DENND1A: variants seen among roughly 807,000 people sequenced by gnomAD.
DENND1A encodes the protein DENN domain containing 1A.
Under a neutral mutation model 113.7 loss-of-function variants are expected in DENND1A, and 51 were observed. That is an observed-to-expected ratio of 0.45 (90% CI 0.36 to 0.57). DENND1A has a LOEUF of 0.57. Among genes scored for constraint, DENND1A ranks in the 20% least tolerant of loss-of-function variants. The probability of loss-of-function intolerance (pLI) is 0.00; values close to 1 mark genes in which losing one functional copy is unlikely to be tolerated. For missense variants in DENND1A, 1,258 were observed against 1,395.9 expected (o/e 0.90, Z 1.57); for synonymous variants, 565 against 570.8 (o/e 0.99, Z 0.14).
At chr9:123,482,344 T>A (rs1007691271) in intron 13 of DENND1A, among the ~76,000 whole-genome samples, 1 of 152,210 alleles carries the variant, frequency 6.6e-6, no homozygotes, top group African/African-American at 2.4e-5. Context: ...GTGATCTGCC[T>A]ACCTCAGCCT....
chr9:123,467,322 C>T (rs1263517379), intron 13 of DENND1A, among the ~76,000 whole-genome samples: 1 of 152,162 alleles, frequency 6.6e-6, no homozygotes, highest in Non-Finnish European at 1.5e-5. Context: ...CTGTGCGTGT[C>T]TCCTTTGCCA....
intron 8 of DENND1A, among the ~76,000 whole-genome samples, chr9:123,661,640 C>T (rs772063936): frequency 2.9e-4 from 44 of 152,194 alleles, no homozygotes; most frequent in Admixed American, 2.1e-3. Flanking sequence ...TTAAATGTGA[C>T]GGGGCAGCCA....
intron 2 of DENND1A, among the ~76,000 whole-genome samples, chr9:123,825,898 T>C (rs1213388224): frequency 6.6e-6 from 1 of 152,214 alleles, no homozygotes; most frequent in Non-Finnish European, 1.5e-5. Context: ...CTGTGCCAAT[T>C]TGCAGCTAAA....
intron 5 of DENND1A, among the ~76,000 whole-genome samples, chr9:123,678,713 T>C (rs2064250244): frequency 6.6e-6 from 1 of 152,240 alleles, no homozygotes; most frequent in African/African-American, 2.4e-5. Flanking sequence ...CTTATCAAAA[T>C]ATACTGATAA....
rs2043464509 is a variant in DENND1A at position 123,401,561 on chromosome 9, C to T, written c.1631+1841G>A. The T allele has an allele frequency of 1.4e-5, 20 of 1,380,408 alleles. No individual in the cohort carries two copies. The South Asian group carries it at 2.3e-4, about 16-fold the overall frequency. The allele number at this position is 1,380,408 out of a possible 1,614,324, so 85.5% of individuals were successfully genotyped here. On this transcript the variant is annotated intron_variant, in intron 21 of 23. Transcript: ENST00000394215. Reference sequence around the variant, plus strand: ...AAAACCTGTCATTTGTTTTCTATCACTGGTAGTTTGCCAACCACCAAACTG... The same window carrying T: ...AAAACCTGTCATTTGTTTTCTATCATTGGTAGTTTGCCAACCACCAAACTG...
rs576415872 is a variant in DENND1A, at chr9:123,594,004, G to A, written c.766-10734C>T. 2.6e-5 allele frequency among the ~76,000 whole-genome samples: 4 copies of A among 152,144 alleles called. No homozygotes were observed. The South Asian group carries it at 6.2e-4, about 24-fold the overall frequency. On this transcript the variant is annotated intron_variant, in intron 11 of 23. Transcript: ENST00000394215. ...GTGGGATGTGCCAGCTTCCCCCATC[G>A]CCTTCTACCATGATTGCAAGTTTCC...
chr9:123,817,217 A>T (rs1379550899), intron 2 of DENND1A, among the ~76,000 whole-genome samples: 2 of 152,208 alleles, frequency 1.3e-5, no homozygotes, highest in Admixed American at 1.3e-4. Flanking sequence ...TTGTCCCTCA[A>T]GATCAGAGAT....
intron 2 of DENND1A, among the ~76,000 whole-genome samples, chr9:123,865,547 C>T (rs1009564370): frequency 1.3e-5 from 2 of 152,158 alleles, no homozygotes; most frequent in East Asian, 1.9e-4. Flanking sequence ...AGGGGATGTC[C>T]CCCCAGGGCA....
intron 1 of DENND1A, among the ~76,000 whole-genome samples, chr9:123,897,526 T>A (rs1411094499): frequency 6.6e-6 from 1 of 152,118 alleles, no homozygotes; most frequent in Non-Finnish European, 1.5e-5. Flanking sequence ...CCAGACTACA[T>A]ACACAATCAT....
chr9:123,919,602 C>G (rs1855848403), intron 1 of DENND1A, among the ~76,000 whole-genome samples: 1 of 151,786 alleles, frequency 6.6e-6, no homozygotes, highest in Non-Finnish European at 1.5e-5. Flanking sequence ...ACATCTGCGG[C>G]CTGGAATGGT....
At chr9:123,675,152 C>T (rs1289183172) in intron 6 of DENND1A, among the ~76,000 whole-genome samples, 2 of 152,252 alleles carry the variant, frequency 1.3e-5, no homozygotes, top group Non-Finnish European at 1.5e-5. Context: ...GTTATTCCTT[C>T]CATTTACTGT....
At chr9:123,386,721 G>C (rs112295749) in intron 22 of DENND1A, among the ~76,000 whole-genome samples, 96 of 152,348 alleles carry the variant, frequency 6.3e-4, no homozygotes, top group African/African-American at 2.0e-3. Flanking sequence ...TGGGAGGGGA[G>C]TGACTTGTCT....
intron 13 of DENND1A, among the ~76,000 whole-genome samples, chr9:123,470,243 AGT>A (rs985492111): frequency 1.3e-5 from 2 of 152,200 alleles, no homozygotes; most frequent in African/African-American, 4.8e-5. Context: ...AGCTGACATG[AGT>A]GAGACGGTGA....
At chr9:123,760,696 T>TAGGGGG (rs1245123251) in intron 4 of DENND1A, among the ~76,000 whole-genome samples, 35 of 152,316 alleles carry the variant, frequency 2.3e-4, no homozygotes, top group Admixed American at 2.3e-3. Context: ...GATTTAATAC[T>TAGGGGG]ATGTTTTAAA....
chr9:123,580,824 A>C (rs1439448770), intron 12 of DENND1A, among the ~76,000 whole-genome samples: 1 of 152,146 alleles, frequency 6.6e-6, no homozygotes. Context: ...CCTGTCTGAC[A>C]CTTTAAATTT....
chr9:123,400,713 TGGAATTACA>T (rs936471784), intron 21 of DENND1A: 2 of 152,206 alleles, frequency 1.3e-5, no homozygotes, highest in African/African-American at 2.4e-5. Flanking sequence ...CCCGAGTAGC[TGGAATTACA>T]GGGGTGCGCC....
chr9:123,679,006 A>C (rs2064268645), intron 5 of DENND1A, among the ~76,000 whole-genome samples: 1 of 152,230 alleles, frequency 6.6e-6, no homozygotes, highest in South Asian at 2.1e-4. Flanking sequence ...ACGACTCAGT[A>C]AACAAATTTG....
chr9:123,599,351 G>A (rs2059841898), intron 11 of DENND1A, among the ~76,000 whole-genome samples: 1 of 152,182 alleles, frequency 6.6e-6, no homozygotes, highest in Non-Finnish European at 1.5e-5. Flanking sequence ...AGAGTAGTGT[G>A]TGGAGAAATT....
At chr9:123,835,152 G>A (rs1358032718) in intron 2 of DENND1A, among the ~76,000 whole-genome samples, 2 of 150,804 alleles carry the variant, frequency 1.3e-5, no homozygotes, top group African/African-American at 4.9e-5. Context: ...TATTATACTC[G>A]GTGAACTAAT....
Sources: allele counts gnomAD v4.1 joint callset (sites outside exome capture counted in the v4.1 genomes callset), GRCh38; gene constraint gnomAD v4.1.1; transcripts MANE v1.5; gene names NCBI Gene and HGNC (gene_info 2026-07-23, HGNC 2026-07-21).